SHISA6: variants seen among roughly 807,000 people sequenced by gnomAD.
SHISA6 encodes protein shisa-6.
A neutral mutation model predicts 47.9 loss-of-function variants in SHISA6; 22 were observed. That is an observed-to-expected ratio of 0.46 (90% CI 0.33 to 0.66). SHISA6 has a LOEUF of 0.66. SHISA6 is among the 30% of genes least tolerant of loss of function. The pLI is 0.02. For missense variants in SHISA6, 680 were observed against 764.6 expected (o/e 0.89, Z 1.30); for synonymous variants, 388 against 337.8 (o/e 1.15, Z -1.63).
rs180831384 is a variant in SHISA6 at position 11,256,538 on chromosome 17, G to A, written c.639-6828G>A. On this transcript the variant is annotated intron_variant, in intron 1 of 5. Coordinates refer to ENST00000441885, the MANE Select transcript of SHISA6 (RefSeq NM_207386.4). ...AACAACGCCAACAATCACAAGAATC[G>A]TAATGGCAGCAGCAGCCCATTTGCA... 6.4e-4 allele frequency among the ~76,000 whole-genome samples: 98 copies of A among 152,206 alleles called. 4 individuals are homozygous for A. The East Asian group carries it at 0.015, about 23-fold the overall frequency.
chr17:11,278,268 G>T (rs1908994908), intron 2 of SHISA6, among the ~76,000 whole-genome samples: 1 of 152,124 alleles, frequency 6.6e-6, no homozygotes, highest in African/African-American at 2.4e-5. Flanking sequence ...TTCTGATATG[G>T]AGGCTGCAGA....
At chr17:11,510,715 T>C (rs1365739221) in intron 3 of SHISA6, among the ~76,000 whole-genome samples, 1 of 152,220 alleles carries the variant, frequency 6.6e-6, no homozygotes, top group Non-Finnish European at 1.5e-5. Flanking sequence ...ACCAGCTGTC[T>C]TGGATTTGGG....
chr17:11,483,890 A>G (rs1916280198), intron 3 of SHISA6, among the ~76,000 whole-genome samples: 1 of 152,214 alleles, frequency 6.6e-6, no homozygotes, highest in Non-Finnish European at 1.5e-5. Context: ...CAAGAGGTTG[A>G]GGCTGCAGTG....
At chr17:11,360,090 G>T (rs1035448757) in intron 2 of SHISA6, among the ~76,000 whole-genome samples, 1 of 152,294 alleles carries the variant, frequency 6.6e-6, no homozygotes, top group Middle Eastern at 3.4e-3. Flanking sequence ...TGATAGACTG[G>T]ATCAAGAAAA....
Position 11,563,062 on chromosome 17 carries a change from G to A in SHISA6, c.*4758G>A, listed in dbSNP as rs142590360. ...GAGTTTGGAGTTTCCATTTGGATAC[G>A]GTCCTTATAGCTGGAGGGAGGCGGT... On this transcript the variant is annotated 3_prime_UTR_variant, in exon 6 of 6. Coordinates refer to ENST00000441885, the MANE Select transcript of SHISA6 (RefSeq NM_207386.4). 66 of 152,464 alleles carry A rather than the reference G, an allele frequency of 4.3e-4. No homozygotes were observed. Among genetic ancestry groups the A allele is most frequent in the African/African-American group, 1.6e-3 (65 of 41,574 alleles). 9.4% of individuals were successfully genotyped at this position (152,464 alleles called of 1,614,324 possible).
chr17:11,481,362 GTGTGTATATA>G (rs1216403379), intron 3 of SHISA6, among the ~76,000 whole-genome samples: 12 of 114,572 alleles, frequency 1.0e-4, no homozygotes, highest in South Asian at 2.6e-4. Context: ...GTGTGTGTGT[GTGTGTATATA>G]TATATATATA....
chr17:11,486,192 A>C (rs1484884704), intron 3 of SHISA6, among the ~76,000 whole-genome samples: 1 of 152,134 alleles, frequency 6.6e-6, no homozygotes, highest in Non-Finnish European at 1.5e-5. Flanking sequence ...GATTTCTTCC[A>C]CGTGGCGCTG....
At chr17:11,501,872 G>A in intron 3 of SHISA6, among the ~76,000 whole-genome samples, 1 of 152,192 alleles carries the variant, frequency 6.6e-6, no homozygotes, top group Non-Finnish European at 1.5e-5. Flanking sequence ...GAAAAGGAGA[G>A]AAAAGGGCAG....
At chr17:11,300,289 G>T (rs1354191843) in intron 2 of SHISA6, among the ~76,000 whole-genome samples, 1 of 152,186 alleles carries the variant, frequency 6.6e-6, no homozygotes, top group Non-Finnish European at 1.5e-5. Context: ...TTCCCAACCA[G>T]TGTAGACCTG....
intron 2 of SHISA6, among the ~76,000 whole-genome samples, chr17:11,314,269 G>A (rs1307851064): frequency 1.3e-5 from 2 of 152,012 alleles, no homozygotes; most frequent in African/African-American, 2.4e-5. Flanking sequence ...AGTTGGGTTT[G>A]TTCATTTTTT....
intron 3 of SHISA6, among the ~76,000 whole-genome samples, chr17:11,396,578 C>T (rs1008471272): frequency 7.2e-5 from 11 of 152,278 alleles, no homozygotes; most frequent in African/African-American, 2.2e-4. Flanking sequence ...TCTTCCACGA[C>T]GGTTGAACTA....
chr17:11,349,173 T>C (rs1017677003), intron 2 of SHISA6, among the ~76,000 whole-genome samples: 1 of 152,234 alleles, frequency 6.6e-6, no homozygotes, highest in African/African-American at 2.4e-5. Context: ...CCATAAAAAT[T>C]TGGCTGGAGT....
At chr17:11,277,309 CA>C (rs1299564326) in intron 2 of SHISA6, among the ~76,000 whole-genome samples, 11 of 150,922 alleles carry the variant, frequency 7.3e-5, no homozygotes, top group African/African-American at 2.4e-4. Context: ...CACACACACA[CA>C]CACACACACC....
chr17:11,485,565 G>A (rs1472887006), intron 3 of SHISA6, among the ~76,000 whole-genome samples: 1 of 152,160 alleles, frequency 6.6e-6, no homozygotes, highest in Non-Finnish European at 1.5e-5. Flanking sequence ...TTGCCCCAGA[G>A]CTCTGGCCAA....
chr17:11,452,827 T>G (rs1915438974), intron 3 of SHISA6, among the ~76,000 whole-genome samples: 1 of 151,218 alleles, frequency 6.6e-6, no homozygotes. Flanking sequence ...CTTATTCTCC[T>G]CTTACTCTCT....
chr17:11,511,421 C>A (rs1391828714), intron 3 of SHISA6, among the ~76,000 whole-genome samples: 6 of 152,116 alleles, frequency 3.9e-5, no homozygotes, highest in Admixed American at 2.0e-4. Flanking sequence ...CCTGCACATT[C>A]TCCACATGTA....
intron 3 of SHISA6, among the ~76,000 whole-genome samples, chr17:11,437,408 C>G (rs1468670764): frequency 6.6e-6 from 1 of 152,230 alleles, no homozygotes; most frequent in East Asian, 1.9e-4. Context: ...TTGCAGGGAA[C>G]TGTCCCCTCA....
chr17:11,524,975 A>G (rs1164734018), intron 3 of SHISA6, among the ~76,000 whole-genome samples: 2 of 152,146 alleles, frequency 1.3e-5, no homozygotes, highest in African/African-American at 4.8e-5. Context: ...GGGGTAGATG[A>G]TCCTTTCATG....
chr17:11,395,409 G>A lies in SHISA6; in HGVS notation c.895+15900G>A, dbSNP rs549277241. Among the ~76,000 whole-genome samples the A allele has an allele frequency of 2.1e-4, 31 of 149,644 alleles. 1 individual carries two copies. In the South Asian group the frequency reaches 6.6e-3, roughly 32 times the overall value. On this transcript the variant is annotated intron_variant, in intron 3 of 5. Transcript: ENST00000441885. ...ATATGAAGGCTATCGATTTCCTTGTGTTAATTTTATATTCTGCTACCTTAC... is the reference window on the plus strand; with the variant it reads ...ATATGAAGGCTATCGATTTCCTTGTATTAATTTTATATTCTGCTACCTTAC...
Sources: gnomAD v4.1 joint callset for allele counts (sites outside exome capture counted in the v4.1 genomes callset) on GRCh38, gnomAD v4.1.1 for gene constraint, MANE v1.5 for transcripts, NCBI Gene and HGNC (gene_info 2026-07-23, HGNC 2026-07-21) for gene names.